Variants in MMP26 observed in about 807,000 individuals in gnomAD.
The protein encoded by MMP26 is matrix metalloproteinase-26.
Under a neutral mutation model 31.0 loss-of-function variants are expected in MMP26, and 33 were observed. The observed-to-expected ratio is 1.06, with a 90% CI of 0.81 to 1.42. The LOEUF (loss-of-function observed/expected upper bound fraction) is 1.42. Among genes scored for constraint, MMP26 ranks in the 40% most tolerant of loss-of-function variants. The probability of loss-of-function intolerance (pLI) is 0.00; values close to 1 mark genes in which losing one functional copy is unlikely to be tolerated. For synonymous variants in MMP26, 122 were observed against 114.9 expected (o/e 1.06, Z -0.40); for missense variants, 347 against 316.1 (o/e 1.10, Z -0.74).
chr11:4,805,596 C>G (rs1359426301), intron 2 of MMP26, among the ~76,000 whole-genome samples: 1 of 152,186 alleles, frequency 6.6e-6, no homozygotes, highest in Non-Finnish European at 1.5e-5. Context: ...CACACTATCT[C>G]TAGCATCTCT....
At position 4,707,392 on chromosome 11, in the gene MMP26, C is replaced by T. The variant is rs191514363; in HGVS notation, c.-217+2347C>T. 2.6e-5 allele frequency among the ~76,000 whole-genome samples: 4 copies of T among 152,236 alleles called. No individual in the cohort carries two copies. In the East Asian group the frequency reaches 7.7e-4, roughly 29 times the overall value. Reference sequence around the variant, plus strand: ...AATTGAGTTATTTGTGTTTTTGCTACTGAGTTGTAGGAGTTCTTTATATAT... The same window carrying T: ...AATTGAGTTATTTGTGTTTTTGCTATTGAGTTGTAGGAGTTCTTTATATAT... On this transcript the variant is annotated intron_variant, in intron 1 of 7. Transcript: ENST00000380390.
At chr11:4,740,694 AAAAAG>A (rs201219547) in intron 1 of MMP26, among the ~76,000 whole-genome samples, 14,782 of 151,750 alleles carry the variant, frequency 0.097, 814 homozygotes, top group Non-Finnish European at 0.12. Context: ...AAAAAAAAAA[AAAAAG>A]AAACTATATT....
intron 1 of MMP26, among the ~76,000 whole-genome samples, chr11:4,746,571 C>G (rs1262958552): frequency 6.6e-6 from 1 of 152,090 alleles, no homozygotes; most frequent in Non-Finnish European, 1.5e-5. Context: ...GGCATGGTGG[C>G]TCACGCCTGT....
chr11:4,774,667 A>G (rs1211146761), intron 2 of MMP26, among the ~76,000 whole-genome samples: 2 of 152,050 alleles, frequency 1.3e-5, no homozygotes, highest in Non-Finnish European at 2.9e-5. Context: ...CTTTGTTGCA[A>G]TTGCTTTTGG....
At chr11:4,793,185 A>G (rs766290571) in intron 2 of MMP26, among the ~76,000 whole-genome samples, 17 of 152,150 alleles carry the variant, frequency 1.1e-4, no homozygotes, top group Non-Finnish European at 2.1e-4. Flanking sequence ...TGATGTAACT[A>G]TAGTTCCAGG....
intron 2 of MMP26, chr11:4,795,417 G>C (rs539104596): frequency 6.6e-6 from 1 of 152,104 alleles, no homozygotes; most frequent in African/African-American, 2.4e-5. Flanking sequence ...TATTATTTCC[G>C]AAAAGATTGG....
chr11:4,743,379 G>A (rs1848339300), intron 1 of MMP26, among the ~76,000 whole-genome samples: 1 of 152,094 alleles, frequency 6.6e-6, no homozygotes, highest in Non-Finnish European at 1.5e-5. Context: ...AAGACTATTG[G>A]TAAAATTGAT....
chr11:4,937,088 G>A (rs1846128072), intron 2 of MMP26, among the ~76,000 whole-genome samples: 1 of 152,096 alleles, frequency 6.6e-6, no homozygotes, highest in South Asian at 2.1e-4. Flanking sequence ...ATTTTAAAAA[G>A]CAGGAAGCAG....
chr11:4,837,954 T>A (rs1408024385), intron 2 of MMP26, among the ~76,000 whole-genome samples: 1 of 149,458 alleles, frequency 6.7e-6, no homozygotes, highest in South Asian at 2.1e-4. Context: ...TTCATAAAAA[T>A]TTTAAAATAT....
chr11:4,986,932 C>CTCCCTCTCTCT lies in MMP26; in HGVS notation c.-144-1136_-144-1135insTCCCTCTCTCT, dbSNP rs1564819722. The stretch of plus-strand genomic sequence containing the variant: ...CTCTCTCTCTCTCTCTCTCTCTCTC[C>CTCCCTCTCTCT]CTCTCTCTCTCTCTCTCTCTCTCTC... On this transcript the variant is annotated intron_variant, in intron 2 of 7. Transcript: ENST00000380390. Among the ~76,000 whole-genome samples the CTCCCTCTCTCT allele has an allele frequency of 3.5e-4, 21 of 60,448 alleles. 1 individual carries two copies. The East Asian group carries it at 7.4e-3, about 21-fold the overall frequency. 39.7% of individuals were successfully genotyped at this position (60,448 alleles called of 152,430 possible). A position where few individuals can be genotyped will look rare whatever the true frequency, so the allele number is the denominator to read the frequency against.
At chr11:4,980,656 A>T (rs569406006) in intron 2 of MMP26, among the ~76,000 whole-genome samples, 1 of 152,136 alleles carries the variant, frequency 6.6e-6, no homozygotes, top group African/African-American at 2.4e-5. Context: ...TCCCATAGTC[A>T]TAGAATTATA....
At chr11:4,875,011 A>G (rs907237327) in intron 2 of MMP26, among the ~76,000 whole-genome samples, 5 of 152,096 alleles carry the variant, frequency 3.3e-5, no homozygotes, top group Admixed American at 6.6e-5. Flanking sequence ...AAAAGTCAAG[A>G]TGAGTTTTAA....
At chr11:4,706,441 A>AGTCTCAGCT (rs1386574103) in intron 1 of MMP26, among the ~76,000 whole-genome samples, 1 of 151,876 alleles carries the variant, frequency 6.6e-6, no homozygotes, top group Non-Finnish European at 1.5e-5. Context: ...GTGTGCCTGT[A>AGTCTCAGCT]GTCTCAGCTA....
chr11:4,715,074 T>C (rs1346099942), intron 1 of MMP26, among the ~76,000 whole-genome samples: 1 of 152,134 alleles, frequency 6.6e-6, no homozygotes, highest in Non-Finnish European at 1.5e-5. Context: ...GTTGAGGTCC[T>C]GAGATGTGTT....
intron 2 of MMP26, among the ~76,000 whole-genome samples, chr11:4,986,932 C>CTCTCTCTCTCCCTCTCTCTCTCTCTCTCT (rs1564819722): frequency 1.7e-5 from 1 of 60,408 alleles, no homozygotes; most frequent in Non-Finnish European, 3.1e-5. Context: ...TCTCTCTCTC[C>CTCTCTCTCTCCCTCTCTCTCTCTCTCTCT]CTCTCTCTCT....
At chr11:4,813,715 A>T (rs1849381403) in intron 2 of MMP26, among the ~76,000 whole-genome samples, 1 of 151,652 alleles carries the variant, frequency 6.6e-6, no homozygotes, top group Admixed American at 6.6e-5. Flanking sequence ...GAGCTTCTTT[A>T]AAAAGTACAG....
chr11:4,914,907 C>A (rs780978252), intron 2 of MMP26: 11 of 1,614,102 alleles, frequency 6.8e-6, no homozygotes, highest in Admixed American at 3.3e-5. Context: ...AAGAGCAGCA[C>A]AGCACAGATG....
At chr11:4,732,395 A>C (rs1447531977) in intron 1 of MMP26, among the ~76,000 whole-genome samples, 1 of 152,112 alleles carries the variant, frequency 6.6e-6, no homozygotes, top group Non-Finnish European at 1.5e-5. Flanking sequence ...TTTTTAATAC[A>C]ATAGTTTTTT....
rs370339304 is a variant in MMP26, at chr11:4,990,757, G to T, written c.469+11G>T. ...CTTTCTGGCAGTGGGGTAAGAAATT[G>T]ACATGGGAAGAAGGATATGTATATG... On this transcript the variant is annotated intron_variant, in intron 5 of 7. Transcript: ENST00000380390. The T allele has an allele frequency of 2.9e-5, 47 of 1,613,768 alleles. No individual in the cohort carries two copies. The highest frequency in any genetic ancestry group is 1.8e-5 in the Non-Finnish European group (21 of 1,179,838).
Sources: allele counts gnomAD v4.1 joint callset (sites outside exome capture counted in the v4.1 genomes callset), GRCh38; gene constraint gnomAD v4.1.1; transcripts MANE v1.5; gene names NCBI Gene and HGNC (gene_info 2026-07-23, HGNC 2026-07-21).